The following SH2D2A variants were observed in gnomAD, a reference collection of about 807,000 sequenced individuals.
SH2D2A encodes SH2 domain containing 2A.
Under a neutral mutation model 43.6 loss-of-function variants are expected in SH2D2A, and 33 were observed. The ratio of observed to expected loss-of-function variants is 0.76; its 90% confidence interval spans 0.57 to 1.01. The LOEUF (loss-of-function observed/expected upper bound fraction) is 1.01, where lower values mean the gene tolerates loss of function less well. SH2D2A is among the 50% of genes least tolerant of loss of function. The probability of loss-of-function intolerance (pLI) is 0.00; values close to 1 mark genes in which losing one functional copy is unlikely to be tolerated. For synonymous variants in SH2D2A, 212 were observed against 206.1 expected (o/e 1.03, Z -0.25); for missense variants, 491 against 503.1 (o/e 0.98, Z 0.23).
chr1:156,813,730 C>T (rs1653586468), intron 5 of SH2D2A, 118 bp downstream of exon 5: 9 of 997,432 alleles, frequency 9.0e-6, no homozygotes, highest in Non-Finnish European at 1.2e-5. Context: ...GGGAGGCATG[C>T]CCGAGTGGTG....
rs770490543 is a variant in SH2D2A at position 156,813,931 on chromosome 1, G to A, written c.484C>T (p.Arg162Trp). The A allele has an allele frequency of 3.3e-5, 51 of 1,535,736 alleles. No homozygotes were observed. The highest frequency in any genetic ancestry group is 1.9e-4 in the Middle Eastern group (1 of 5,250). Reference sequence around the variant, plus strand: ...TAGTGCAGCAGCAGGTCCTGCAGCCGCGCGTGGGCGCTGTCCTCGCCCAGC... The same window carrying A: ...TAGTGCAGCAGCAGGTCCTGCAGCCACGCGTGGGCGCTGTCCTCGCCCAGC... ...VVLGEDSAHA[R>W]LQDLLLHYTA... is the part of the protein sequence containing the mutation. The change falls in exon 5 of 9, where the codon CGG (arginine) becomes TGG (tryptophan). Residue 162 changes from arginine to tryptophan, a missense_variant. Coordinates refer to ENST00000368199, the MANE Select transcript of SH2D2A (RefSeq NM_003975.4).
chr1:156,815,510 C>G (rs1415768622), intron 2 of SH2D2A: 1 of 594,482 alleles, frequency 1.7e-6, no homozygotes, highest in Non-Finnish European at 3.0e-6. Context: ...AAAGGCAGCA[C>G]AGCCTTCCAG....
intron 5 of SH2D2A, among the ~76,000 whole-genome samples, chr1:156,813,355 G>A (rs1653557101): frequency 6.6e-6 from 1 of 152,180 alleles, no homozygotes. Flanking sequence ...AGAAGTCAAA[G>A]CTGAAAATAC....
In SH2D2A at chr1:156,815,020, C is replaced by T; in HGVS notation, c.308+17G>A. ...GCCCTGCCCCTGTCTGGGCCAATTT[C>T]CTCCTCCATGACTCACCTCCGGGTG... On this transcript the variant is annotated intron_variant, in intron 3 of 8. Transcript: ENST00000368199. The T allele has an allele frequency of 1.4e-6, 2 of 1,457,860 alleles. No homozygotes were observed. Among genetic ancestry groups the T allele is most frequent in the Non-Finnish European group, 1.8e-6 (2 of 1,096,218 alleles). 90.3% of individuals were successfully genotyped at this position (1,457,860 alleles called of 1,614,324 possible).
intron 1 of SH2D2A, 95 bp downstream of exon 1, chr1:156,816,580 C>G (rs1653956383): frequency 1.5e-6 from 2 of 1,369,700 alleles, no homozygotes; most frequent in Admixed American, 4.3e-5. Flanking sequence ...TGGGGCCCCT[C>G]ATCCCTGAAG....
In SH2D2A at chr1:156,809,727, G is replaced by A; in HGVS notation, c.648C>T (p.Tyr216=). 2 of 1,614,100 alleles carry A rather than the reference G, an allele frequency of 1.2e-6. No homozygotes were observed. Among genetic ancestry groups the A allele is most frequent in the Non-Finnish European group, 1.7e-6 (2 of 1,179,994 alleles). ...CTTGCCCCTGTTTGATGATTGGGCT[G>A]TACTGGGGGTTTGGGTCCTGGCTTT... ...GSKSQDPNPQ[Y]SPIIKQGQAP... The change falls in exon 6 of 9, where the codon TAC becomes TAT. Residue 216 remains tyrosine (Y), a synonymous_variant. Coordinates refer to ENST00000368199, the MANE Select transcript of SH2D2A (RefSeq NM_003975.4). This position sits in a 1 kb window ranked among gnomAD's most constrained non-coding sequence, Gnocchi z 4.8.
At chr1:156,813,371 G>A (rs1035722432) in intron 5 of SH2D2A, among the ~76,000 whole-genome samples, 1 of 152,250 alleles carries the variant, frequency 6.6e-6, no homozygotes, top group East Asian at 1.9e-4. Flanking sequence ...AATACCAGGT[G>A]GAAAATACCA....
In SH2D2A at chr1:156,807,268, G is replaced by A. The variant is rs139894245; in HGVS notation, c.1080C>T (p.Pro360=). ...QGPPLPHQPP[P]AWRHTLPHNL... is the part of the protein sequence containing the mutation. ...TGTGGGGGAGGGTGTGTCTCCAGGC[G>A]GGTGGGGGCTGGTGGGGCAGGGGAG... is the stretch of plus-strand genomic sequence containing the variant. Residue 360 remains proline (P), a synonymous_variant, in exon 8 of 9, where the codon CCC becomes CCT. Transcript: ENST00000368199. The surrounding 1 kb of genome is among the most constrained non-coding windows in gnomAD (Gnocchi z 5.1). 233 of 1,602,778 alleles carry A rather than the reference G, an allele frequency of 1.5e-4. No individual in the cohort carries two copies. The highest frequency in any genetic ancestry group is 7.7e-4 in the South Asian group (70 of 90,454).
chr1:156,809,142 T>G lies in SH2D2A; in HGVS notation c.1002+61A>C, dbSNP rs1653197611. ...ATCCACTCTGAACACCTTCTTCACC[T>G]TCCCCCATCTACCTGCAGGGAGACC... is the stretch of plus-strand genomic sequence containing the variant. On this transcript the variant is annotated intron_variant, in intron 7 of 8. Transcript: ENST00000368199. The surrounding 1 kb of genome is among the most constrained non-coding windows in gnomAD (Gnocchi z 4.8). 5.3e-6 allele frequency: 8 copies of G among 1,523,230 alleles called. No individual in the cohort carries two copies. The highest frequency in any genetic ancestry group is 4.1e-5 in the African/African-American group (3 of 72,782). The allele number at this position is 1,523,230 out of a possible 1,614,324, so 94.4% of individuals were successfully genotyped here.
At position 156,807,435 on chromosome 1, in the gene SH2D2A, C is replaced by T; in HGVS notation, c.1003-90G>A. 1 of 1,168,510 alleles carries T rather than the reference C, an allele frequency of 8.6e-7. No individual in the cohort carries two copies. Among genetic ancestry groups the T allele is most frequent in the East Asian group, 2.7e-5 (1 of 37,726 alleles). The allele number at this position is 1,168,510 out of a possible 1,614,324, so 72.4% of individuals were successfully genotyped here. On this transcript the variant is annotated intron_variant, in intron 7 of 8. Coordinates refer to ENST00000368199, the MANE Select transcript of SH2D2A (RefSeq NM_003975.4). The surrounding 1 kb of genome is among the most constrained non-coding windows in gnomAD (Gnocchi z 5.1). ...TCTCAAGACATCTGATCTGAACAGACTTTGGCTTCCAGAGAGGGTATCTAA... is the reference window on the plus strand; with the variant it reads ...TCTCAAGACATCTGATCTGAACAGATTTTGGCTTCCAGAGAGGGTATCTAA...
In SH2D2A at chr1:156,814,297, G is replaced by A. The variant is rs1413415813; in HGVS notation, c.309-3C>T. The A allele has an allele frequency of 1.2e-6, 2 of 1,613,196 alleles. No homozygotes were observed. The highest frequency in any genetic ancestry group is 1.7e-6 in the Non-Finnish European group (2 of 1,179,690). On this transcript the variant is annotated splice_polypyrimidine_tract_variant and splice_region_variant and intron_variant, in intron 3 of 8. Transcript: ENST00000368199. ...GCTCCAGCAGCCTCTCTGCCTCCCTGTGGGTGACGGAGAGAGGGGGCCGAA... is the reference window on the plus strand; with the variant it reads ...GCTCCAGCAGCCTCTCTGCCTCCCTATGGGTGACGGAGAGAGGGGGCCGAA...
chr1:156,812,559 C>G (rs1423496366), intron 5 of SH2D2A, among the ~76,000 whole-genome samples: 2 of 152,218 alleles, frequency 1.3e-5, no homozygotes, highest in Non-Finnish European at 1.5e-5. Context: ...GGCCTCTATT[C>G]AGATGTCCGC....
rs537905323 is a variant in SH2D2A, at chr1:156,816,548, C to T, written c.34+127G>A. 6 of 817,602 alleles carry T rather than the reference C, an allele frequency of 7.3e-6. No homozygotes were observed. The South Asian group carries it at 1.1e-4, about 15-fold the overall frequency. 50.6% of individuals were successfully genotyped at this position (817,602 alleles called of 1,614,324 possible). On this transcript the variant is annotated intron_variant, in intron 1 of 8. Transcript: ENST00000368199. ...GGGTTGTGGTCACCCTGCCAATCAG[C>T]TTTGCCAGCTCTGGCTTAGGGTGGG...
In SH2D2A at chr1:156,807,301, C is replaced by T. The variant is rs1262913921; in HGVS notation, c.1047G>A (p.Gly349=). The change falls in exon 8 of 9, where the codon GGG becomes GGA. Residue 349 remains glycine (G), a synonymous_variant. Coordinates refer to ENST00000368199, the MANE Select transcript of SH2D2A (RefSeq NM_003975.4). This position sits in a 1 kb window ranked among gnomAD's most constrained non-coding sequence, Gnocchi z 5.1. The stretch of plus-strand genomic sequence containing the variant: ...GCTGGTGGGGCAGGGGAGGGCCTTG[C>T]CCAATCACAGAGTTCTCAGAATGCA... The part of the protein sequence containing the change: ...SQLHSENSVI[G]QGPPLPHQPP... 3 of 1,592,396 alleles carry T rather than the reference C, an allele frequency of 1.9e-6. No homozygotes were observed. Among genetic ancestry groups the T allele is most frequent in the Non-Finnish European group, 1.7e-6 (2 of 1,173,404 alleles).
Position 156,814,313 on chromosome 1 carries a change from G to A in SH2D2A, c.309-19C>T. Reference sequence around the variant, plus strand: ...TGCCTCCCTGTGGGTGACGGAGAGAGGGGGCCGAACCCTGCTCTGACACTT... The same window carrying A: ...TGCCTCCCTGTGGGTGACGGAGAGAAGGGGCCGAACCCTGCTCTGACACTT... On this transcript the variant is annotated intron_variant, in intron 3 of 8. Coordinates refer to ENST00000368199, the MANE Select transcript of SH2D2A (RefSeq NM_003975.4). The A allele has an allele frequency of 6.2e-7, 1 of 1,610,272 alleles. No individual in the cohort carries two copies. The highest frequency in any genetic ancestry group is 2.2e-5 in the East Asian group (1 of 44,488).
chr1:156,815,170 C>T lies in SH2D2A; in HGVS notation c.175G>A (p.Ala59Thr). Reference sequence around the variant, plus strand: ...CTTCCTTCTCCAGGCACCTCCTCTGCCCTCTCAGCATTCCCTGTGTTGGAG... The same window carrying T: ...CTTCCTTCTCCAGGCACCTCCTCTGTCCTCTCAGCATTCCCTGTGTTGGAG... The part of the protein sequence containing the change: ...AASNTGNAER[A>T]EEVPGEGSLF... The change falls in exon 3 of 9, where the codon GCA (alanine) becomes ACA (threonine). Residue 59 changes from alanine to threonine, a missense_variant. Physicochemically the swap from Ala to Thr is moderately conservative, Grantham distance 58. Coordinates refer to ENST00000368199, the MANE Select transcript of SH2D2A (RefSeq NM_003975.4). The T allele has an allele frequency of 1.2e-6, 2 of 1,601,238 alleles. No homozygotes were observed. The highest frequency in any genetic ancestry group is 1.7e-6 in the Non-Finnish European group (2 of 1,173,870).
At position 156,814,012 on chromosome 1, in the gene SH2D2A, G is replaced by A; in HGVS notation, c.403C>T (p.Arg135Trp). 1 of 1,506,332 alleles carries A rather than the reference G, an allele frequency of 6.6e-7. No homozygotes were observed. The highest frequency in any genetic ancestry group is 8.9e-7 in the Non-Finnish European group (1 of 1,126,554). The allele number at this position is 1,506,332 out of a possible 1,614,324, so 93.3% of individuals were successfully genotyped here. ...AVTFVLTYRS[R>W]TCCRHFLLAQ... Reference sequence around the variant, plus strand: ...AGCAGGAAGTGGCGGCAGCAAGTCCGGCTCCTGGAGGGCGCCGTTAGGGAT... The same window carrying A: ...AGCAGGAAGTGGCGGCAGCAAGTCCAGCTCCTGGAGGGCGCCGTTAGGGAT... The change falls in exon 5 of 9, where the codon CGG (arginine) becomes TGG (tryptophan). Residue 135 changes from arginine (R) to tryptophan (W), a missense_variant. Physicochemically the swap from Arg to Trp is moderately radical, Grantham distance 101. Transcript: ENST00000368199.
intron 4 of SH2D2A, 39 bp downstream of exon 4, chr1:156,814,166 C>T: frequency 1.2e-6 from 2 of 1,611,508 alleles, no homozygotes; most frequent in Non-Finnish European, 1.7e-6. Context: ...CCTCCCGAGC[C>T]CCGCCTTGTG....
intron 4 of SH2D2A, 71 bp from the exon 5 acceptor site, chr1:156,814,087 C>T: frequency 6.7e-6 from 10 of 1,502,174 alleles, no homozygotes; most frequent in Admixed American, 2.0e-5. Flanking sequence ...AGGCGTGATC[C>T]CCACCTTCAG....
Sources: gnomAD v4.1 joint callset for allele counts (sites outside exome capture counted in the v4.1 genomes callset) on GRCh38, gnomAD v4.1.1 for gene constraint, Gnocchi (gnomAD v3.1) non-coding constraint, MANE v1.5 for transcripts, NCBI Gene and HGNC (gene_info 2026-07-23, HGNC 2026-07-21) for gene names.